NPAS3: variants seen among roughly 807,000 people sequenced by gnomAD.
NPAS3 encodes the protein neuronal PAS domain-containing protein 3.
In NPAS3, 14 loss-of-function variants were observed where a neutral mutation model predicts 73.1. The observed-to-expected ratio is 0.19, with a 90% CI of 0.13 to 0.30. NPAS3 has a LOEUF of 0.30. NPAS3 is among the 10% of genes least tolerant of loss of function. The probability of loss-of-function intolerance (pLI) is 1.00; values close to 1 mark genes in which losing one functional copy is unlikely to be tolerated. For synonymous variants in NPAS3, 620 were observed against 541.5 expected (o/e 1.14, Z -2.01); for missense variants, 1,096 against 1,250.0 (o/e 0.88, Z 1.86).
At chr14:33,372,417 T>G (rs1253627658) in intron 4 of NPAS3, among the ~76,000 whole-genome samples, 1 of 152,198 alleles carries the variant, frequency 6.6e-6, no homozygotes, top group African/African-American at 2.4e-5. Context: ...TTTGATTACT[T>G]TTCCACTGAG....
rs1442658557 is a variant in NPAS3 at position 33,648,058 on chromosome 14, C to G, written c.559-28153C>G. Reference sequence around the variant, plus strand: ...CTACCCTTTCTTCTCTCTCACCCCTCTCCGTTTGATTTTGCCCCCAGGTTA... The same window carrying G: ...CTACCCTTTCTTCTCTCTCACCCCTGTCCGTTTGATTTTGCCCCCAGGTTA... On this transcript the variant is annotated intron_variant, in intron 5 of 11. Transcript: ENST00000356141. Among the ~76,000 whole-genome samples, 8 of 152,182 alleles carry G rather than the reference C, an allele frequency of 5.3e-5. No individual in the cohort carries two copies. The East Asian group carries it at 1.3e-3, about 26-fold the overall frequency.
At chr14:33,531,821 C>G (rs1338611990) in intron 4 of NPAS3, among the ~76,000 whole-genome samples, 2 of 152,120 alleles carry the variant, frequency 1.3e-5, no homozygotes, top group Non-Finnish European at 2.9e-5. Flanking sequence ...GCACTGTTGT[C>G]AGCACTTAGG....
chr14:33,176,930 G>C lies in NPAS3; in HGVS notation c.141-38252G>C, dbSNP rs561396543. Reference sequence around the variant, plus strand: ...TCATAGCCATCCTAATGGGTGTGAAGTGAGATCTAATTCTGGTTTGCATTT... The same window carrying C: ...TCATAGCCATCCTAATGGGTGTGAACTGAGATCTAATTCTGGTTTGCATTT... On this transcript the variant is annotated intron_variant, in intron 2 of 11. Coordinates refer to ENST00000356141, the Ensembl canonical transcript of NPAS3. Among the ~76,000 whole-genome samples the C allele has an allele frequency of 6.6e-5, 10 of 152,034 alleles. No homozygotes were observed. In the South Asian group the frequency reaches 2.1e-3, roughly 32 times the overall value.
intron 5 of NPAS3, among the ~76,000 whole-genome samples, chr14:33,667,133 C>T (rs2059474196): frequency 6.6e-6 from 1 of 152,118 alleles, no homozygotes; most frequent in Non-Finnish European, 1.5e-5. Flanking sequence ...GCATTCTTTT[C>T]TTTATATTTT....
At chr14:33,310,879 T>A (rs955900916) in intron 3 of NPAS3, among the ~76,000 whole-genome samples, 1 of 151,950 alleles carries the variant, frequency 6.6e-6, no homozygotes, top group Non-Finnish European at 1.5e-5. Flanking sequence ...CTACAGTCTG[T>A]TACTGCTTTC....
At position 33,800,566 on chromosome 14, in the gene NPAS3, G is replaced by C. The variant is rs1278266850; in HGVS notation, c.2259G>C (p.Ala753=). The change falls in exon 12 of 12, where the codon GCG becomes GCC. Residue 753 remains alanine (A), a synonymous_variant. Coordinates refer to ENST00000356141, the Ensembl canonical transcript of NPAS3. The surrounding 1 kb of genome is among the most constrained non-coding windows in gnomAD (Gnocchi z 6.5). ...ACCCGCTGTCACCCCCGCTCTCGGC[G>C]TCCCCGCGGGACAAGCACCCCGGGA... The C allele has an allele frequency of 5.3e-6, 7 of 1,312,834 alleles. No individual in the cohort carries two copies. The highest frequency in any genetic ancestry group is 6.7e-6 in the Non-Finnish European group (7 of 1,039,942). 81.3% of individuals were successfully genotyped at this position (1,312,834 alleles called of 1,614,324 possible).
rs199704146 is a variant in NPAS3 at position 33,782,823 on chromosome 14, T to TAAAAAAAAAAAAAAAAAAAAAAAAAA, written c.1153+4259_1153+4260insAAAAAAAAAAAAAAAAAAAAAAAAAA. 1.7e-3 allele frequency among the ~76,000 whole-genome samples: 246 copies of TAAAAAAAAAAAAAAAAAAAAAAAAAA among 148,486 alleles called. 3 individuals carry two copies. Among genetic ancestry groups the TAAAAAAAAAAAAAAAAAAAAAAAAAA allele is most frequent in the Non-Finnish European group, 2.9e-3 (196 of 66,524 alleles). On this transcript the variant is annotated intron_variant, in intron 9 of 11. Transcript: ENST00000356141. The stretch of plus-strand genomic sequence containing the variant: ...AACATACTTGGGGGTTGTTTTTTTT[T>TAAAAAAAAAAAAAAAAAAAAAAAAAA]AAAAAAAAGAAAAAAACAGTAGCTT...
At chr14:33,277,221 G>C (rs535033532) in intron 3 of NPAS3, among the ~76,000 whole-genome samples, 1 of 152,264 alleles carries the variant, frequency 6.6e-6, no homozygotes, top group East Asian at 1.9e-4. Context: ...ATTCCCAGCA[G>C]ATATGCTCAA....
At chr14:33,004,963 G>A (rs1260479611) in intron 1 of NPAS3, among the ~76,000 whole-genome samples, 1 of 151,700 alleles carries the variant, frequency 6.6e-6, no homozygotes, top group Non-Finnish European at 1.5e-5. Context: ...AAGGTCTTCA[G>A]GGGTAATAAC....
chr14:33,347,484 C>T (rs1474301583), intron 3 of NPAS3, among the ~76,000 whole-genome samples: 1 of 152,204 alleles, frequency 6.6e-6, no homozygotes, highest in African/African-American at 2.4e-5. Context: ...TTAAAGCAGA[C>T]TAAGATGCTT....
At chr14:33,663,988 C>T (rs2059382827) in intron 5 of NPAS3, among the ~76,000 whole-genome samples, 1 of 148,626 alleles carries the variant, frequency 6.7e-6, no homozygotes, top group Non-Finnish European at 1.5e-5. Context: ...AAAAAAAAAA[C>T]AGCTCCTGGA....
chr14:33,271,875 G>A (rs1458367438), intron 3 of NPAS3, among the ~76,000 whole-genome samples: 1 of 151,922 alleles, frequency 6.6e-6, no homozygotes, highest in East Asian at 1.9e-4. Context: ...TAAAGGATGG[G>A]CTCTTGAATG....
intron 4 of NPAS3, among the ~76,000 whole-genome samples, chr14:33,498,501 AC>A (rs1214721733): frequency 6.6e-6 from 1 of 152,188 alleles, no homozygotes; most frequent in Non-Finnish European, 1.5e-5. Context: ...ACCGTGGAGT[AC>A]TATGCAGCCA....
chr14:32,970,621 C>G (rs955310784), intron 1 of NPAS3, among the ~76,000 whole-genome samples: 2 of 152,160 alleles, frequency 1.3e-5, no homozygotes, highest in African/African-American at 2.4e-5. Context: ...GGCTAGAATT[C>G]TGAGATCAAG....
At chr14:32,972,662 G>C (rs1387356059) in intron 1 of NPAS3, among the ~76,000 whole-genome samples, 1 of 152,148 alleles carries the variant, frequency 6.6e-6, no homozygotes, top group Non-Finnish European at 1.5e-5. Context: ...TCTTTGCTTT[G>C]TCTGCTGTGG....
At chr14:32,952,091 A>G (rs942304483) in intron 1 of NPAS3, among the ~76,000 whole-genome samples, 4 of 152,068 alleles carry the variant, frequency 2.6e-5, no homozygotes, top group Non-Finnish European at 5.9e-5. Flanking sequence ...ATGTGTGTGT[A>G]GATTATACAT....
At chr14:33,449,525 C>T (rs2049688757) in intron 4 of NPAS3, among the ~76,000 whole-genome samples, 1 of 151,998 alleles carries the variant, frequency 6.6e-6, no homozygotes, top group African/African-American at 2.4e-5. Flanking sequence ...AGTATGAAGA[C>T]ACTTTAGCTT....
At chr14:33,596,090 A>C (rs1031125121) in intron 5 of NPAS3, among the ~76,000 whole-genome samples, 32 of 152,238 alleles carry the variant, frequency 2.1e-4, no homozygotes, top group Non-Finnish European at 4.3e-4. Flanking sequence ...TAAACAAGGA[A>C]GTGTACGTGA....
intron 1 of NPAS3, among the ~76,000 whole-genome samples, chr14:32,978,118 G>GC (rs1566425525): frequency 6.6e-6 from 1 of 151,966 alleles, no homozygotes; most frequent in East Asian, 1.9e-4. Flanking sequence ...GATGTGGGGG[G>GC]GTGAGAAAAC....
Sources: allele counts gnomAD v4.1 joint callset (sites outside exome capture counted in the v4.1 genomes callset), GRCh38; gene constraint gnomAD v4.1.1; non-coding constraint Gnocchi (gnomAD v3.1); transcripts MANE v1.5; gene names NCBI Gene and HGNC (gene_info 2026-07-23, HGNC 2026-07-21).